The following ANK2 variants were observed in gnomAD, a reference collection of about 807,000 sequenced individuals.
The protein encoded by ANK2 is ankyrin 2.
A neutral mutation model predicts 360.5 loss-of-function variants in ANK2; 83 were observed. That is an observed-to-expected ratio of 0.23 (90% CI 0.19 to 0.28). The LOEUF is 0.28. Among genes scored for constraint, ANK2 ranks in the 10% least tolerant of loss-of-function variants. The probability of loss-of-function intolerance (pLI) is 1.00; values close to 1 mark genes in which losing one functional copy is unlikely to be tolerated. For missense variants in ANK2, 4,201 were observed against 4,795.7 expected (o/e 0.88, Z 3.66); for synonymous variants, 1,740 against 1,759.5 (o/e 0.99, Z 0.28).
intron 1 of ANK2, among the ~76,000 whole-genome samples, chr4:112,895,474 A>C (rs990750865): frequency 1.3e-5 from 2 of 152,092 alleles, no homozygotes; most frequent in African/African-American, 4.8e-5. Flanking sequence ...CAATTTTACA[A>C]TCTTTTAGGT....
chr4:113,121,498 T>C (rs1236476322), intron 1 of ANK2, among the ~76,000 whole-genome samples: 1 of 152,144 alleles, frequency 6.6e-6, no homozygotes, highest in East Asian at 1.9e-4. Context: ...TAAATTCGTG[T>C]TGGGATTCTA....
chr4:112,847,247 A>C (rs1371569503), intron 1 of ANK2, among the ~76,000 whole-genome samples: 1 of 152,168 alleles, frequency 6.6e-6, no homozygotes, highest in Non-Finnish European at 1.5e-5. Flanking sequence ...CAAACTCAGC[A>C]TGTCAAAACA....
chr4:113,280,086 T>C (rs1481105169), intron 17 of ANK2, among the ~76,000 whole-genome samples: 1 of 152,038 alleles, frequency 6.6e-6, no homozygotes, highest in Non-Finnish European at 1.5e-5. Context: ...TTTTTTTTCA[T>C]TAGCTTTCCA....
At chr4:112,920,833 T>G (rs1210725402) in intron 2 of ANK2, among the ~76,000 whole-genome samples, 2 of 152,152 alleles carry the variant, frequency 1.3e-5, no homozygotes, top group Admixed American at 1.3e-4. Flanking sequence ...AAGGAGTCTC[T>G]CTTGTGCCTC....
intron 2 of ANK2, among the ~76,000 whole-genome samples, chr4:112,908,207 CA>C (rs1364221538): frequency 6.6e-6 from 1 of 152,136 alleles, no homozygotes; most frequent in Non-Finnish European, 1.5e-5. Context: ...GTTATAAAGA[CA>C]AATTAAAGAG....
chr4:113,043,162 A>G (rs2063386050), intron 2 of ANK2, among the ~76,000 whole-genome samples: 1 of 152,128 alleles, frequency 6.6e-6, no homozygotes, highest in South Asian at 2.1e-4. Flanking sequence ...AGGAGGGAGA[A>G]GAAGTACTTC....
chr4:113,248,774 T>G (rs2044416589), intron 9 of ANK2, among the ~76,000 whole-genome samples: 1 of 152,204 alleles, frequency 6.6e-6, no homozygotes, highest in African/African-American at 2.4e-5. Flanking sequence ...GAAATCTTCT[T>G]AATTGCTCAC....
At chr4:113,066,280 C>G (rs1451007296) in intron 1 of ANK2, among the ~76,000 whole-genome samples, 2 of 152,188 alleles carry the variant, frequency 1.3e-5, no homozygotes, top group Admixed American at 1.3e-4. Context: ...TGGACTCATT[C>G]TGTAAGTGTT....
the ANK2 span, among the ~76,000 whole-genome samples, chr4:112,725,733 C>T: frequency 6.6e-6 from 1 of 152,042 alleles, no homozygotes; most frequent in Admixed American, 6.6e-5. Context: ...GTCAAATTTA[C>T]AGAGGCAGAA....
intron 2 of ANK2, among the ~76,000 whole-genome samples, chr4:112,978,759 T>A (rs1316337945): frequency 1.3e-5 from 2 of 152,236 alleles, no homozygotes; most frequent in East Asian, 3.8e-4. Context: ...GTTAAAGAAT[T>A]TCCCAGTGAC....
At chr4:113,218,777 G>C (rs1396154448) in intron 4 of ANK2, among the ~76,000 whole-genome samples, 3 of 152,072 alleles carry the variant, frequency 2.0e-5, no homozygotes, top group Non-Finnish European at 4.4e-5. Context: ...ATTTTGGGGG[G>C]TGTAATGCAT....
intron 2 of ANK2, among the ~76,000 whole-genome samples, chr4:112,968,672 T>G (rs1162284321): frequency 6.6e-6 from 1 of 152,188 alleles, no homozygotes; most frequent in Non-Finnish European, 1.5e-5. Flanking sequence ...CACAGCAGCT[T>G]TTACTACAAT....
chr4:112,872,123 C>T (rs757306384), intron 1 of ANK2, among the ~76,000 whole-genome samples: 20 of 151,482 alleles, frequency 1.3e-4, no homozygotes, highest in Non-Finnish European at 2.8e-4. Flanking sequence ...ACCTCCCGGG[C>T]TCAAGGGATC....
At chr4:112,852,269 C>T (rs1332976175) in intron 1 of ANK2, among the ~76,000 whole-genome samples, 1 of 152,144 alleles carries the variant, frequency 6.6e-6, no homozygotes, top group Non-Finnish European at 1.5e-5. Flanking sequence ...AAAAGCAAAC[C>T]CTTGACTCTT....
At chr4:112,724,872 A>G in the ANK2 span, among the ~76,000 whole-genome samples, 1 of 152,198 alleles carries the variant, frequency 6.6e-6, no homozygotes, top group Middle Eastern at 3.2e-3. Flanking sequence ...ATATTTGTCC[A>G]CTCATGTTCA....
At chr4:112,975,448 A>G (rs528736580) in intron 2 of ANK2, among the ~76,000 whole-genome samples, 7 of 152,340 alleles carry the variant, frequency 4.6e-5, no homozygotes, top group African/African-American at 1.4e-4. Flanking sequence ...GGATCCTAAA[A>G]AACATTTTGG....
At chr4:113,268,510 T>A (rs994371419) in intron 14 of ANK2, among the ~76,000 whole-genome samples, 1 of 152,218 alleles carries the variant, frequency 6.6e-6, no homozygotes, top group Non-Finnish European at 1.5e-5. Flanking sequence ...GATTATCGTG[T>A]AGTTTTTGTC....
intron 2 of ANK2, among the ~76,000 whole-genome samples, chr4:112,976,570 G>GT (rs2041498435): frequency 1.3e-5 from 2 of 152,000 alleles, no homozygotes; most frequent in South Asian, 4.1e-4. Flanking sequence ...TTGTAGGGCT[G>GT]TTTCATTCAG....
intron 2 of ANK2, among the ~76,000 whole-genome samples, chr4:112,937,658 G>A (rs756842943): frequency 3.9e-5 from 6 of 151,998 alleles, no homozygotes; most frequent in Admixed American, 6.6e-5. Context: ...GACATTTTTC[G>A]GTCTGATTAG....
Sources: gnomAD v4.1 joint callset for allele counts (sites outside exome capture counted in the v4.1 genomes callset) on GRCh38, gnomAD v4.1.1 for gene constraint, MANE v1.5 for transcripts, NCBI Gene and HGNC (gene_info 2026-07-23, HGNC 2026-07-21) for gene names.